C15orf61: variants seen among roughly 807,000 people sequenced by gnomAD.
C15orf61 encodes chromosome 15 open reading frame 61, also known as uncharacterized protein C15orf61.
C15orf61 carries 12 observed loss-of-function variants against 13.7 expected under a neutral mutation model. The ratio of observed to expected loss-of-function variants is 0.88; its 90% CI spans 0.56 to 1.42. The LOEUF (loss-of-function observed/expected upper bound fraction) is 1.42. Among genes scored for constraint, C15orf61 ranks in the 40% most tolerant of loss-of-function variants. C15orf61 has a pLI of 0.00. For missense variants in C15orf61, 248 were observed against 213.2 expected, an observed-to-expected ratio of 1.16 and a Z score of -1.02; for synonymous variants, 92 against 94.1, an observed-to-expected ratio of 0.98 and a Z score of 0.13.
Position 67,530,107 on chromosome 15 carries a change from T to C in C15orf61, c.*3562T>C, listed in dbSNP as rs2084220773. The C allele has an allele frequency of 6.6e-6, 1 of 152,218 alleles. No homozygotes were observed. The highest frequency in any genetic ancestry group is 2.1e-4 in the South Asian group (1 of 4,824). 9.4% of individuals were successfully genotyped at this position (152,218 alleles called of 1,614,324 possible). A position where few individuals can be genotyped will look rare whatever the true frequency, so the allele number is the denominator to read the frequency against. Reference sequence around the variant, plus strand: ...ATTAATGGAAAATGTAACTGCACTTTGCTGAAAGATCAATGTCCAATAAAG... The same window carrying C: ...ATTAATGGAAAATGTAACTGCACTTCGCTGAAAGATCAATGTCCAATAAAG... On this transcript the variant is annotated 3_prime_UTR_variant, in exon 2 of 2. Transcript: ENST00000342683.
Position 67,521,255 on chromosome 15 carries a change from G to C in C15orf61, c.7G>C (p.Ala3Pro), listed in dbSNP as rs937981734. The change falls in exon 1 of 2, where the codon GCC (alanine) becomes CCC (proline). Residue 3 changes from alanine to proline, a missense_variant. Ala to Pro is a conservative substitution (Grantham distance 27). Transcript: ENST00000342683. ...GTCCCCGGCGCGGCGGGCCATGGAG[G>C]CCCTGAGGAGGGCCCACGAGGTCGC... The part of the protein sequence containing the change: ME[A>P]LRRAHEVALR... 129 of 1,357,824 alleles carry C rather than the reference G, an allele frequency of 9.5e-5. No homozygotes were observed. The highest frequency in any genetic ancestry group is 1.2e-4 in the Non-Finnish European group (127 of 1,055,892). The allele number at this position is 1,357,824 out of a possible 1,614,324, so 84.1% of individuals were successfully genotyped here.
rs2084215707 is a variant in C15orf61 at position 67,529,310 on chromosome 15, A to G, written c.*2765A>G. On this transcript the variant is annotated 3_prime_UTR_variant, in exon 2 of 2. Transcript: ENST00000342683. This position sits in a 1 kb window ranked among gnomAD's most constrained non-coding sequence, Gnocchi z 4.4. ...GGAGCGTGAGAGAGGCTGCTAATAC[A>G]AAAATCTCTATTTTCTTAGTGTTGA... 1 of 152,240 alleles carries G rather than the reference A, an allele frequency of 6.6e-6. No individual in the cohort carries two copies. Among genetic ancestry groups the G allele is most frequent in the Non-Finnish European group, 1.5e-5 (1 of 68,046 alleles). 9.4% of individuals were successfully genotyped at this position (152,240 alleles called of 1,614,324 possible). A position where few individuals can be genotyped will look rare whatever the true frequency, so the allele number is the denominator to read the frequency against.
Position 67,521,188 on chromosome 15 carries a change from G to C in C15orf61, c.-61G>C, listed in dbSNP as rs1006025128. ...CGGTTGGCCTTCCCGGCGCTCGCCC[G>C]GGGGCGCGCTTGCGCGCCAGCGGCT... On this transcript the variant is annotated 5_prime_UTR_variant, in exon 1 of 2. Transcript: ENST00000342683. The C allele has an allele frequency of 1.8e-6, 2 of 1,120,126 alleles. No individual in the cohort carries two copies. The highest frequency in any genetic ancestry group is 4.5e-5 in the South Asian group (1 of 22,090). 69.4% of individuals were successfully genotyped at this position (1,120,126 alleles called of 1,614,324 possible).
Position 67,527,547 on chromosome 15 carries a change from G to GT in C15orf61, c.*1005dup, listed in dbSNP as rs2084205593. 1 of 152,104 alleles carries GT rather than the reference G, an allele frequency of 6.6e-6. No individual in the cohort carries two copies. The highest frequency in any genetic ancestry group is 2.4e-5 in the African/African-American group (1 of 41,428). 9.4% of individuals were successfully genotyped at this position (152,104 alleles called of 1,614,324 possible). A position where few individuals can be genotyped will look rare whatever the true frequency, so the allele number is the denominator to read the frequency against. On this transcript the variant is annotated 3_prime_UTR_variant, in exon 2 of 2. Coordinates refer to ENST00000342683, the MANE Select transcript of C15orf61 (RefSeq NM_001143936.2). ...CTATTTAATTTCTAAACCAATGGGT[G>GT]TTTAAGATTTATGATCTCTCCCATA...
rs565003573 is a variant in C15orf61 at position 67,525,890 on chromosome 15, T to C, written c.347-528T>C. 5.3e-5 allele frequency among the ~76,000 whole-genome samples: 8 copies of C among 152,238 alleles called. No homozygotes were observed. In the South Asian group the frequency reaches 1.5e-3, roughly 28 times the overall value. On this transcript the variant is annotated intron_variant, in intron 1 of 1. Transcript: ENST00000342683. This position sits in a 1 kb window ranked among gnomAD's most constrained non-coding sequence, Gnocchi z 4.9. ...TTATCTGAGCGTGGTGGCGCGCGCC[T>C]GTAGTCCCAGCTACTCAGGAGGCTG...
intron 1 of C15orf61, chr15:67,522,272 A>G (rs1030198886): frequency 2.9e-6 from 2 of 699,440 alleles, no homozygotes; most frequent in African/African-American, 3.5e-5. Flanking sequence ...TGTATCTTTT[A>G]TAGGTCAGGG....
At chr15:67,523,695 A>G (rs898113599) in intron 1 of C15orf61, among the ~76,000 whole-genome samples, 7 of 152,166 alleles carry the variant, frequency 4.6e-5, no homozygotes, top group African/African-American at 1.7e-4. Context: ...TTGATGTTAC[A>G]TGTTTCAGAT....
At position 67,525,254 on chromosome 15, in the gene C15orf61, A is replaced by G. The variant is rs776218475; in HGVS notation, c.347-1164A>G. On this transcript the variant is annotated intron_variant, in intron 1 of 1. Coordinates refer to ENST00000342683, the MANE Select transcript of C15orf61 (RefSeq NM_001143936.2). The surrounding 1 kb of genome is among the most constrained non-coding windows in gnomAD (Gnocchi z 4.9). The stretch of plus-strand genomic sequence containing the variant: ...AAATTAATGCTTGTCCAGAGCATAC[A>G]GTATTTGTTATTGATTCATGTGCCT... Among the ~76,000 whole-genome samples, 3 of 152,256 alleles carry G rather than the reference A, an allele frequency of 2.0e-5. No homozygotes were observed. Among genetic ancestry groups the G allele is most frequent in the Non-Finnish European group, 4.4e-5 (3 of 68,048 alleles).
chr15:67,528,881 C>T lies in C15orf61; in HGVS notation c.*2336C>T, dbSNP rs1291333685. 6.6e-6 allele frequency: 1 copy of T among 152,196 alleles called. No homozygotes were observed. The highest frequency in any genetic ancestry group is 1.9e-4 in the East Asian group (1 of 5,200). 9.4% of individuals were successfully genotyped at this position (152,196 alleles called of 1,614,324 possible). Reference sequence around the variant, plus strand: ...CTCTGTTTTTATAATCCACATTCTTCTGCTCCATTATACTTAAAGGACTTC... The same window carrying T: ...CTCTGTTTTTATAATCCACATTCTTTTGCTCCATTATACTTAAAGGACTTC... On this transcript the variant is annotated 3_prime_UTR_variant, in exon 2 of 2. Coordinates refer to ENST00000342683, the MANE Select transcript of C15orf61 (RefSeq NM_001143936.2).
chr15:67,526,455 AT>A lies in C15orf61; in HGVS notation c.387del (p.Phe129LeufsTer15). ...TLLYGLGSWLFARVTETVHTS... is the reference protein window; with the variant it reads ...TLLYGLGSWLXARVTETVHTS... Reference sequence around the variant, plus strand: ...TATTATATGGACTTGGCTCCTGGTTATTTGCCAGAGTCACAGAGACTGTGCA... The same window carrying A: ...TATTATATGGACTTGGCTCCTGGTTATTGCCAGAGTCACAGAGACTGTGCA... On this transcript the variant is annotated frameshift_variant, in exon 2 of 2. Transcript: ENST00000342683. LOFTEE classifies it high-confidence loss of function. 6.5e-7 allele frequency: 1 copy of A among 1,538,368 alleles called. No homozygotes were observed. Among genetic ancestry groups the A allele is most frequent in the South Asian group, 1.2e-5 (1 of 83,444 alleles).
chr15:67,522,581 T>G (rs1417822654), intron 1 of C15orf61, among the ~76,000 whole-genome samples: 1 of 152,234 alleles, frequency 6.6e-6, no homozygotes, highest in Non-Finnish European at 1.5e-5. Context: ...GATAATTGTT[T>G]AGCAACGTGT....
intron 1 of C15orf61, chr15:67,522,112 G>A: frequency 2.9e-6 from 2 of 701,634 alleles, no homozygotes; most frequent in Middle Eastern, 2.3e-4. Context: ...AGACATAACA[G>A]CTTCCTGAGG....
intron 1 of C15orf61, chr15:67,522,092 G>T (rs1183685634): frequency 1.4e-6 from 1 of 701,562 alleles, no homozygotes; most frequent in African/African-American, 1.7e-5. Context: ...AAGCACCAAA[G>T]GTTTTCACCA....
chr15:67,522,037 C>T (rs1487299961), intron 1 of C15orf61: 4 of 700,076 alleles, frequency 5.7e-6, no homozygotes, highest in African/African-American at 3.5e-5. Flanking sequence ...TTTTAAGTTT[C>T]TTTTGTTTTC....
At position 67,521,399 on chromosome 15, in the gene C15orf61, T is replaced by C. The variant is rs1439036142; in HGVS notation, c.151T>C (p.Phe51Leu). 2.6e-6 allele frequency: 4 copies of C among 1,542,748 alleles called. No individual in the cohort carries two copies. Among genetic ancestry groups the C allele is most frequent in the Middle Eastern group, 1.7e-4 (1 of 5,990 alleles). The change falls in exon 1 of 2, where the codon TTC becomes CTC. Residue 51 changes from phenylalanine (F) to leucine (L), a missense_variant. Phe to Leu is a conservative substitution (Grantham distance 22). Transcript: ENST00000342683. ...LQRRLPHWTSFCVPYSAVRND... is the reference protein window; with the variant it reads ...LQRRLPHWTSLCVPYSAVRND... The stretch of plus-strand genomic sequence containing the variant: ...GCGGCGCCTGCCGCACTGGACCTCC[T>C]TCTGCGTGCCCTACAGCGCCGTCCG...
chr15:67,524,497 T>C (rs549483862), intron 1 of C15orf61, among the ~76,000 whole-genome samples: 2 of 152,312 alleles, frequency 1.3e-5, no homozygotes, highest in African/African-American at 4.8e-5. Context: ...TTTTGGACAT[T>C]ATCAGGGCAA....
At chr15:67,522,702 C>T (rs533561561) in intron 1 of C15orf61, among the ~76,000 whole-genome samples, 51 of 152,130 alleles carry the variant, frequency 3.4e-4, no homozygotes, top group Admixed American at 2.9e-3. Context: ...AAATTCAATT[C>T]GAAATTATTT....
At position 67,521,135 on chromosome 15, in the gene C15orf61, CG is replaced by C. The variant is rs201315438; in HGVS notation, c.-109del. On this transcript the variant is annotated 5_prime_UTR_variant, in exon 1 of 2. Coordinates refer to ENST00000342683, the MANE Select transcript of C15orf61 (RefSeq NM_001143936.2). Reference sequence around the variant, plus strand: ...GCTGTGCGCACGCGCCGCCGCACACCGGGGGCTCTCGGGCACCCGCGCGGCG... The same window carrying C: ...GCTGTGCGCACGCGCCGCCGCACACCGGGGCTCTCGGGCACCCGCGCGGCG... 7.1e-5 allele frequency: 43 copies of C among 604,008 alleles called. No homozygotes were observed. The African/African-American group carries it at 7.6e-4, about 11-fold the overall frequency. 37.4% of individuals were successfully genotyped at this position (604,008 alleles called of 1,614,324 possible).
Position 67,527,693 on chromosome 15 carries a change from A to G in C15orf61, c.*1148A>G, listed in dbSNP as rs1291047427. On this transcript the variant is annotated 3_prime_UTR_variant, in exon 2 of 2. Transcript: ENST00000342683. Reference sequence around the variant, plus strand: ...AACATTTGGATGCTTATGTCAAGTCAGTAGAGAAAGTGAGTGGAAGTGACT... The same window carrying G: ...AACATTTGGATGCTTATGTCAAGTCGGTAGAGAAAGTGAGTGGAAGTGACT... The G allele has an allele frequency of 6.6e-6, 1 of 152,196 alleles. No individual in the cohort carries two copies. Among genetic ancestry groups the G allele is most frequent in the Admixed American group, 6.5e-5 (1 of 15,282 alleles). The allele number at this position is 152,196 out of a possible 1,614,324, so 9.4% of individuals were successfully genotyped here. A position where few individuals can be genotyped will look rare whatever the true frequency, so the allele number is the denominator to read the frequency against.
Sources: gnomAD v4.1 joint callset for allele counts (sites outside exome capture counted in the v4.1 genomes callset) on GRCh38, gnomAD v4.1.1 for gene constraint, Gnocchi (gnomAD v3.1) non-coding constraint, MANE v1.5 for transcripts, NCBI Gene and HGNC (gene_info 2026-07-23, HGNC 2026-07-21) for gene names.